The following FOXP4 variants were observed in gnomAD, a reference collection of about 807,000 sequenced individuals.
The protein encoded by FOXP4 is forkhead box P4, also known as forkhead box protein P4.
A neutral mutation model predicts 82.6 loss-of-function variants in FOXP4; 25 were observed. The ratio of observed to expected loss-of-function variants is 0.30; its 90% CI spans 0.22 to 0.42. FOXP4 has a LOEUF of 0.42. Ranked by LOEUF, FOXP4 falls within the 10% of genes least tolerant of loss-of-function variation. The probability of loss-of-function intolerance (pLI) is 1.00; values close to 1 mark genes in which losing one functional copy is unlikely to be tolerated. For synonymous variants in FOXP4, 415 were observed against 388.2 expected (o/e 1.07, Z -0.81); for missense variants, 785 against 900.9 (o/e 0.87, Z 1.65).
chr6:41,587,322 C>T lies in FOXP4; in HGVS notation c.682C>T (p.Pro228Ser), dbSNP rs1766197310. The change falls in exon 7 of 17, where the codon CCC (proline) becomes TCC (serine). Residue 228 changes from proline (P) to serine (S), a missense_variant. Around this residue, in one of 3 missense-constraint regions of FOXP4, gnomAD observed 570 missense variants for 634.0 expected, o/e 0.90. Transcript: ENST00000307972. ...PQAAVCPTDL[P>S]QLWKGEGAPG... is the part of the protein sequence containing the mutation. ...AGCAGCTGTTTGCCCAACAGACCTG[C>T]CCCAGCTGTGGAAGGGCGAGGGTGC... The T allele has an allele frequency of 6.2e-7, 1 of 1,613,040 alleles. No homozygotes were observed. The highest frequency in any genetic ancestry group is 1.3e-5 in the African/African-American group (1 of 75,050).
intron 3 of FOXP4, among the ~76,000 whole-genome samples, chr6:41,578,353 C>T (rs1374272499): frequency 4.6e-5 from 7 of 152,122 alleles, no homozygotes; most frequent in Non-Finnish European, 1.0e-4. Context: ...TCTCTTTGTA[C>T]CTCTCTCACT....
chr6:41,547,980 G>T (rs1362745532), intron 1 of FOXP4, among the ~76,000 whole-genome samples: 1 of 152,228 alleles, frequency 6.6e-6, no homozygotes. Context: ...CGCGGAATGC[G>T]GATTTTGAGA....
chr6:41,553,429 T>C (rs953245318), intron 1 of FOXP4, among the ~76,000 whole-genome samples: 1 of 152,114 alleles, frequency 6.6e-6, no homozygotes, highest in Non-Finnish European at 1.5e-5. Context: ...CCATTCCTTT[T>C]TTTCTGCCTT....
intron 14 of FOXP4, among the ~76,000 whole-genome samples, chr6:41,596,447 A>T (rs1766838978): frequency 6.6e-6 from 1 of 152,214 alleles, no homozygotes; most frequent in South Asian, 2.1e-4. Flanking sequence ...TTTGCACCCC[A>T]GGCAGTGTGC....
intron 2 of FOXP4, among the ~76,000 whole-genome samples, chr6:41,576,932 T>G (rs1387598697): frequency 6.6e-6 from 1 of 152,132 alleles, no homozygotes; most frequent in Non-Finnish European, 1.5e-5. Context: ...AGATAAATTT[T>G]GTGCTGCTGA....
At chr6:41,585,341 TCTC>T in intron 4 of FOXP4, 87 bp from the exon 5 acceptor site, 1 of 1,326,744 alleles carries the variant, frequency 7.5e-7, no homozygotes, top group Admixed American at 2.3e-5. Context: ...GAAACTCCCT[TCTC>T]CTGCCCCCAG....
intron 2 of FOXP4, among the ~76,000 whole-genome samples, chr6:41,568,043 G>T (rs1423728192): frequency 2.0e-5 from 3 of 152,204 alleles, no homozygotes; most frequent in African/African-American, 7.2e-5. Context: ...CAATTAAAAT[G>T]AAATAGTCCA....
In FOXP4 at chr6:41,591,691, G is replaced by A. The variant is rs1281292350; in HGVS notation, c.1536+369G>A. On this transcript the variant is annotated intron_variant, in intron 13 of 16. Transcript: ENST00000307972. This position sits in a 1 kb window ranked among gnomAD's most constrained non-coding sequence, Gnocchi z 4.2. ...AATTTCACAGAGACCCTAAGGGTCT[G>A]GATACCTTGGCTTAAGGTACATGTT... is the stretch of plus-strand genomic sequence containing the variant. Among the ~76,000 whole-genome samples, 1 of 152,124 alleles carries A rather than the reference G, an allele frequency of 6.6e-6. No homozygotes were observed. Among genetic ancestry groups the A allele is most frequent in the Non-Finnish European group, 1.5e-5 (1 of 68,036 alleles).
chr6:41,549,058 C>T (rs1763845271), intron 1 of FOXP4, among the ~76,000 whole-genome samples: 1 of 152,048 alleles, frequency 6.6e-6, no homozygotes, highest in Admixed American at 6.5e-5. Flanking sequence ...TTTGTGGTTG[C>T]CCCCTCTCAG....
Position 41,567,152 on chromosome 6 carries a change from A to G in FOXP4, c.204+1188A>G, listed in dbSNP as rs149447640. Among the ~76,000 whole-genome samples the G allele has an allele frequency of 1.3e-3, 204 of 152,318 alleles. 1 individual carries two copies. The highest frequency in any genetic ancestry group is 4.5e-3 in the African/African-American group (189 of 41,580). ...ACCTGGTTTAAGTCCCAGCCAGCCC[A>G]TTAACCAGTGGCATGACCTTGACCA... On this transcript the variant is annotated intron_variant, in intron 2 of 16. Transcript: ENST00000307972.
chr6:41,596,295 A>G (rs9462726), intron 14 of FOXP4, among the ~76,000 whole-genome samples: 11,928 of 152,200 alleles, frequency 0.078, 482 homozygotes, highest in Middle Eastern at 0.11. Context: ...CCCGACCTCA[A>G]ACAGCCCCAC....
intron 1 of FOXP4, among the ~76,000 whole-genome samples, chr6:41,548,226 A>G (rs1240868230): frequency 6.6e-6 from 1 of 151,946 alleles, no homozygotes; most frequent in Non-Finnish European, 1.5e-5. Context: ...CGTGTCTGGC[A>G]CCCCAACGTC....
intron 5 of FOXP4, 152 bp from the exon 6 acceptor site, chr6:41,586,857 C>A: frequency 7.6e-7 from 1 of 1,315,392 alleles, no homozygotes; most frequent in Non-Finnish European, 1.0e-6. Flanking sequence ...GGAAGCTGGG[C>A]CGGGAGCAGA....
Position 41,591,978 on chromosome 6 carries a change from A to G in FOXP4, c.1536+656A>G, listed in dbSNP as rs553916548. Among the ~76,000 whole-genome samples, 16 of 151,922 alleles carry G rather than the reference A, an allele frequency of 1.1e-4. No homozygotes were observed. The highest frequency in any genetic ancestry group is 1.7e-4 in the African/African-American group (7 of 41,398). On this transcript the variant is annotated intron_variant, in intron 13 of 16. Coordinates refer to ENST00000307972, the MANE Select transcript of FOXP4 (RefSeq NM_001012426.2). This position sits in a 1 kb window ranked among gnomAD's most constrained non-coding sequence, Gnocchi z 4.2. ...GGGGTACTAGGCCATTTATTTTTCT[A>G]TAGCCAAAAGGGGGGTGTGTGTGTG...
At chr6:41,566,277 T>C (rs1764875414) in intron 2 of FOXP4, among the ~76,000 whole-genome samples, 1 of 152,166 alleles carries the variant, frequency 6.6e-6, no homozygotes, top group African/African-American at 2.4e-5. Context: ...GAGATTGGCA[T>C]GTTGGATTGG....
rs902447667 is a variant in FOXP4, at chr6:41,585,339, C to T, written c.424-92C>T. 12 of 1,313,948 alleles carry T rather than the reference C, an allele frequency of 9.1e-6. No homozygotes were observed. The African/African-American group carries it at 1.5e-4, about 16-fold the overall frequency. The allele number at this position is 1,313,948 out of a possible 1,614,324, so 81.4% of individuals were successfully genotyped here. A position where few individuals can be genotyped will look rare whatever the true frequency, so the allele number is the denominator to read the frequency against. On this transcript the variant is annotated intron_variant, in intron 4 of 16. Coordinates refer to ENST00000307972, the MANE Select transcript of FOXP4 (RefSeq NM_001012426.2). ...CCAGACCATGTTTTAGGGAAACTCC[C>T]TTCTCCTGCCCCCAGGAGCCCAGAT...
intron 1 of FOXP4, among the ~76,000 whole-genome samples, chr6:41,560,339 C>A (rs1253423241): frequency 3.9e-5 from 6 of 152,242 alleles, no homozygotes; most frequent in African/African-American, 1.4e-4. Context: ...TAGACACCAA[C>A]TTACAGGGTC....
intron 5 of FOXP4, 40 bp downstream of exon 5, chr6:41,585,557 C>T (rs2127389028): frequency 1.9e-6 from 3 of 1,580,486 alleles, no homozygotes; most frequent in South Asian, 1.1e-5. Flanking sequence ...CCCTCACCCC[C>T]TGCCCAGAGC....
chr6:41,586,899 C>T, intron 5 of FOXP4, 110 bp from the exon 6 acceptor site: 3 of 1,441,008 alleles, frequency 2.1e-6, no homozygotes, highest in Non-Finnish European at 2.7e-6. Flanking sequence ...ACAACGACAG[C>T]TCCAGGGGCT....
Sources: gnomAD v4.1 joint callset for allele counts (sites outside exome capture counted in the v4.1 genomes callset) on GRCh38, gnomAD v4.1.1 for gene constraint, gnomAD v4.1.1 regional missense constraint, Gnocchi (gnomAD v3.1) non-coding constraint, MANE v1.5 for transcripts, NCBI Gene and HGNC (gene_info 2026-07-23, HGNC 2026-07-21) for gene names.